Variants in ARHGEF11 observed in about 807,000 individuals in gnomAD.
ARHGEF11 encodes the protein Rho guanine nucleotide exchange factor 11.
ARHGEF11 carries 55 observed loss-of-function variants against 193.7 expected under a neutral mutation model. The observed-to-expected ratio is 0.28, with a 90% CI of 0.23 to 0.36. The LOEUF (loss-of-function observed/expected upper bound fraction) is 0.36, where lower values mean the gene tolerates loss of function less well. ARHGEF11 is among the 10% of genes least tolerant of loss of function. ARHGEF11 has a pLI of 1.00. For missense variants in ARHGEF11, 1,723 were observed against 2,005.6 expected (o/e 0.86, Z 2.69); for synonymous variants, 693 against 768.0 (o/e 0.90, Z 1.62).
chr1:156,950,248 C>T (rs1251475944), intron 22 of ARHGEF11, among the ~76,000 whole-genome samples: 3 of 152,116 alleles, frequency 2.0e-5, no homozygotes, highest in Admixed American at 6.5e-5. Context: ...TCTTTTAACA[C>T]GTGTTAAGCT....
At position 156,955,741 on chromosome 1, in the gene ARHGEF11, A is replaced by C; in HGVS notation, c.1730T>G (p.Leu577Arg). The change falls in exon 20 of 41, where the codon CTC becomes CGC. Residue 577 changes from leucine (L) to arginine (R), a missense_variant. Around this residue, in one of 5 missense-constraint regions of ARHGEF11, gnomAD observed 491 missense variants for 654.5 expected, o/e 0.75. Coordinates refer to ENST00000368194, the MANE Select transcript of ARHGEF11 (RefSeq NM_198236.3). ...ALEDKKRNPI[L>R]KYIGKPKSSS... ...GCTTTTGGGCTTCCCAATGTATTTG[A>C]GGATAGGGTTTCGCTTCTTGTCCTC... 6.2e-7 allele frequency: 1 copy of C among 1,614,140 alleles called. No homozygotes were observed. Among genetic ancestry groups the C allele is most frequent in the Non-Finnish European group, 8.5e-7 (1 of 1,180,006 alleles).
At position 156,979,274 on chromosome 1, in the gene ARHGEF11, T is replaced by C; in HGVS notation, c.286A>G (p.Met96Val). 2 of 1,613,892 alleles carry C rather than the reference T, an allele frequency of 1.2e-6. No individual in the cohort carries two copies. Among genetic ancestry groups the C allele is most frequent in the South Asian group, 1.1e-5 (1 of 91,072 alleles). Residue 96 changes from methionine (M) to valine (V), a missense_variant, in exon 5 of 41, where the codon ATG becomes GTG. Coordinates refer to ENST00000368194, the MANE Select transcript of ARHGEF11 (RefSeq NM_198236.3). ...TCCAGGTGTGAGCTATTGGTCACCA[T>C]GGTGCCGTTGACCTGTTGGAGGGAC... ...GDRIIKVNGT[M>V]VTNSSHLEVV...
rs373134538 is a variant in ARHGEF11 at position 156,936,065 on chromosome 1, G to C, written c.4631-7C>G. ...TCCAGGGGGGCGTCAGAGCCTGTGG[G>C]AGGAGGATGAAGGTGAGGAACTGGC... On this transcript the variant is annotated splice_region_variant and splice_polypyrimidine_tract_variant and intron_variant, in intron 40 of 40. Transcript: ENST00000368194. The C allele has an allele frequency of 1.1e-5, 18 of 1,614,020 alleles. No individual in the cohort carries two copies. In the African/African-American group the frequency reaches 2.3e-4, roughly 20 times the overall value.
chr1:156,973,529 C>T (rs1662821841), intron 7 of ARHGEF11, among the ~76,000 whole-genome samples: 1 of 152,188 alleles, frequency 6.6e-6, no homozygotes, highest in South Asian at 2.1e-4. Flanking sequence ...ATATCCGAAT[C>T]TCTGTTTCAA....
chr1:156,937,557 C>T (rs574203652), intron 38 of ARHGEF11, 61 bp from the exon 39 acceptor site: 54 of 1,486,674 alleles, frequency 3.6e-5, no homozygotes, highest in African/African-American at 2.0e-4. Context: ...GCTATCCTCC[C>T]GTTCCTGTGG....
Position 156,951,690 on chromosome 1 carries a change from C to T in ARHGEF11, c.1808G>A (p.Gly603Asp). Reference sequence around the variant, plus strand: ...GTGCTGAATGATGTTCCTCACATTGCCTGGTTTGACTAGAAGCAAAAAGAA... The same window carrying T: ...GTGCTGAATGATGTTCCTCACATTGTCTGGTTTGACTAGAAGCAAAAAGAA... Reference protein sequence around the residue: ...IPLSPVEVKPGNVRNIIQHFE... With the variant: ...IPLSPVEVKPDNVRNIIQHFE... The change falls in exon 22 of 41, where the codon GGC (glycine) becomes GAC (aspartate). Residue 603 changes from glycine (G) to aspartate (D), a missense_variant. Physicochemically the swap from Gly to Asp is moderately conservative, Grantham distance 94. Transcript: ENST00000368194. 1 of 1,614,116 alleles carries T rather than the reference C, an allele frequency of 6.2e-7. No homozygotes were observed. The highest frequency in any genetic ancestry group is 1.1e-5 in the South Asian group (1 of 91,072).
At chr1:156,940,133 G>C (rs1460048209) in intron 36 of ARHGEF11, 74 bp downstream of exon 36, 20 of 1,481,710 alleles carry the variant, frequency 1.3e-5, no homozygotes, top group Non-Finnish European at 1.8e-5. Context: ...GGTGGAGGGT[G>C]CAGGCGCCTG....
At chr1:157,006,550 C>A (rs755200603) in intron 1 of ARHGEF11, among the ~76,000 whole-genome samples, 27 of 152,132 alleles carry the variant, frequency 1.8e-4, no homozygotes, top group Non-Finnish European at 2.8e-4. Flanking sequence ...AAAAAGGGTT[C>A]TGAGGACAAG....
chr1:156,954,003 A>C (rs1254392162), intron 21 of ARHGEF11, among the ~76,000 whole-genome samples: 2 of 152,208 alleles, frequency 1.3e-5, no homozygotes, highest in East Asian at 3.8e-4. Flanking sequence ...TCCAAGAGAA[A>C]AACTGTTGGA....
chr1:156,980,357 G>C, intron 4 of ARHGEF11, 80 bp downstream of exon 4: 3 of 1,521,434 alleles, frequency 2.0e-6, no homozygotes, highest in Non-Finnish European at 2.7e-6. Context: ...ATGAAAGTGT[G>C]CAGGATGGGC....
chr1:156,956,210 G>A (rs981637272), intron 19 of ARHGEF11, among the ~76,000 whole-genome samples: 7 of 152,108 alleles, frequency 4.6e-5, no homozygotes, highest in African/African-American at 7.2e-5. Context: ...TCCAATTCCC[G>A]GGTTCAAGCA....
intron 39 of ARHGEF11, 80 bp downstream of exon 39, chr1:156,937,169 G>A (rs1436628036): frequency 2.5e-6 from 4 of 1,596,464 alleles, no homozygotes; most frequent in South Asian, 1.1e-5. Context: ...CTCCCGCGAA[G>A]ACACACATCT....
intron 16 of ARHGEF11, 29 bp downstream of exon 16, chr1:156,959,017 A>T (rs573664390): frequency 1.2e-6 from 2 of 1,612,476 alleles, no homozygotes; most frequent in Non-Finnish European, 1.7e-6. Flanking sequence ...GAACGAGGAG[A>T]GAGGTGGGAG....
Position 156,954,901 on chromosome 1 carries a change from G to T in ARHGEF11, c.1789C>A (p.Pro597Thr), listed in dbSNP as rs891871634. 17 of 1,608,340 alleles carry T rather than the reference G, an allele frequency of 1.1e-5. No homozygotes were observed. Among genetic ancestry groups the T allele is most frequent in the African/African-American group, 9.4e-5 (7 of 74,552 alleles). Residue 597 changes from proline to threonine, a missense_variant, in exon 21 of 41, where the codon CCT becomes ACT. Coordinates refer to ENST00000368194, the MANE Select transcript of ARHGEF11 (RefSeq NM_198236.3). ...AAAATGGTCCTTTTACCTTCCACAG[G>T]GGACAAGGGAATATGAAATGCTAAA... ...SQSTFHIPLS[P>T]VEVKPGNVRN... is the part of the protein sequence containing the mutation.
At chr1:157,028,942 G>A (rs1319072974) in intron 1 of ARHGEF11, among the ~76,000 whole-genome samples, 2 of 151,988 alleles carry the variant, frequency 1.3e-5, no homozygotes, top group Non-Finnish European at 2.9e-5. Flanking sequence ...TGCAGTGGGT[G>A]GAGTGCTTGA....
intron 1 of ARHGEF11, among the ~76,000 whole-genome samples, chr1:157,025,261 G>A (rs1258007962): frequency 6.6e-6 from 1 of 152,134 alleles, no homozygotes; most frequent in African/African-American, 2.4e-5. Flanking sequence ...AGGTTCTTAG[G>A]TCTTTTGCAG....
intron 1 of ARHGEF11, 42 bp from the exon 2 acceptor site, chr1:156,986,215 G>A (rs754912747): frequency 5.8e-6 from 9 of 1,544,052 alleles, no homozygotes; most frequent in East Asian, 2.3e-5. Context: ...AGCTCAGCAG[G>A]GGGGATCAGC....
At chr1:156,991,380 C>A (rs137908746) in intron 1 of ARHGEF11, among the ~76,000 whole-genome samples, 412 of 152,324 alleles carry the variant, frequency 2.7e-3, no homozygotes, top group African/African-American at 9.7e-3. Context: ...AGTGCAGTGG[C>A]ACAATTACAG....
In ARHGEF11 at chr1:156,957,772, C is replaced by T. The variant is rs144138577; in HGVS notation, c.1526+20G>A. 538 of 1,613,602 alleles carry T rather than the reference C, an allele frequency of 3.3e-4. 3 individuals carry two copies. In the East Asian group the frequency reaches 0.011, roughly 34 times the overall value. On this transcript the variant is annotated intron_variant, in intron 18 of 40. Transcript: ENST00000368194. ...CCTTCCACCTTGAAAGCTGCAAATC[C>T]ACATCATAGACTTGCTTACCTCCTG...
Sources: gnomAD v4.1 joint callset for allele counts (sites outside exome capture counted in the v4.1 genomes callset) on GRCh38, gnomAD v4.1.1 for gene constraint, gnomAD v4.1.1 regional missense constraint, MANE v1.5 for transcripts, NCBI Gene and HGNC (gene_info 2026-07-23, HGNC 2026-07-21) for gene names.